PDGFRL: variants seen among roughly 807,000 people sequenced by gnomAD.
The protein encoded by PDGFRL is platelet derived growth factor receptor like.
Under a neutral mutation model 37.2 loss-of-function variants are expected in PDGFRL, and 46 were observed. The observed-to-expected ratio is 1.24, with a 90% CI of 0.98 to 1.58. The LOEUF (loss-of-function observed/expected upper bound fraction) is 1.58. Among genes scored for constraint, PDGFRL ranks in the 40% most tolerant of loss-of-function variants. The probability of loss-of-function intolerance (pLI) is 0.00; values close to 1 mark genes in which losing one functional copy is unlikely to be tolerated. For missense variants in PDGFRL, 692 were observed against 467.6 expected (o/e 1.48, Z -4.43); for synonymous variants, 251 against 184.3 (o/e 1.36, Z -2.93).
rs374421728 is a variant in PDGFRL, at chr8:17,589,641, T to G, written c.229T>G (p.Phe77Val). 8 of 1,613,934 alleles carry G rather than the reference T, an allele frequency of 5.0e-6. No homozygotes were observed. Among genetic ancestry groups the G allele is most frequent in the Non-Finnish European group, 6.8e-6 (8 of 1,179,910 alleles). Residue 77 changes from phenylalanine to valine, a missense_variant, in exon 2 of 6, where the codon TTC becomes GTC. By Grantham distance (50) the Phe-to-Val change is conservative. Coordinates refer to ENST00000251630, the MANE Select transcript of PDGFRL (RefSeq NM_001372073.1). Reference sequence around the variant, plus strand: ...GATGCAAGTGCTGGATAAAGGTCGCTTCCAGAAACCCGCCGCTACCCTGAG... The same window carrying G: ...GATGCAAGTGCTGGATAAAGGTCGCGTCCAGAAACCCGCCGCTACCCTGAG... ...IMMQVLDKGR[F>V]QKPAATLSLL...
At chr8:17,604,058 G>T (rs925618526) in intron 2 of PDGFRL, among the ~76,000 whole-genome samples, 10 of 152,138 alleles carry the variant, frequency 6.6e-5, no homozygotes, top group Non-Finnish European at 1.5e-4. Flanking sequence ...AGACCATGGA[G>T]GGCCTTGTTG....
chr8:17,593,637 G>T (rs1444244287), intron 2 of PDGFRL, among the ~76,000 whole-genome samples: 8 of 151,700 alleles, frequency 5.3e-5, no homozygotes, highest in African/African-American at 1.9e-4. Flanking sequence ...ACTCATGCCT[G>T]TAATCCCAGC....
At chr8:17,634,784 T>C (rs1252875192) in intron 5 of PDGFRL, among the ~76,000 whole-genome samples, 1 of 151,752 alleles carries the variant, frequency 6.6e-6, no homozygotes, top group Non-Finnish European at 1.5e-5. Flanking sequence ...TACATGGACA[T>C]ATAGAGGGGA....
At chr8:17,614,679 A>T (rs754927697) in intron 2 of PDGFRL, among the ~76,000 whole-genome samples, 9 of 152,190 alleles carry the variant, frequency 5.9e-5, no homozygotes, top group Non-Finnish European at 7.3e-5. Flanking sequence ...CCCAGGCTCA[A>T]GTGATCATCC....
At chr8:17,593,895 AAAAAAG>A (rs1803995524) in intron 2 of PDGFRL, among the ~76,000 whole-genome samples, 1 of 151,574 alleles carries the variant, frequency 6.6e-6, no homozygotes, top group South Asian at 2.1e-4. Context: ...TCTCAAAAAA[AAAAAAG>A]AAAAAAAAAG....
In PDGFRL at chr8:17,634,141, C is replaced by G; in HGVS notation, c.867C>G (p.Ile289Met). 6.2e-7 allele frequency: 1 copy of G among 1,612,738 alleles called. No individual in the cohort carries two copies. The highest frequency in any genetic ancestry group is 1.3e-5 in the African/African-American group (1 of 75,024). ...ACAAAGTGAAAAGTGGGGACGACAT[C>G]AGTGTGCTCTGCACTGTCCTGGGGG... Reference protein sequence around the residue: ...SSNKVKSGDDISVLCTVLGEP... With the variant: ...SSNKVKSGDDMSVLCTVLGEP... Residue 289 changes from isoleucine to methionine, a missense_variant, in exon 5 of 6, where the codon ATC becomes ATG. Transcript: ENST00000251630.
At chr8:17,616,169 A>ATTTATTTAT (rs370794514) in intron 2 of PDGFRL, among the ~76,000 whole-genome samples, 5 of 144,214 alleles carry the variant, frequency 3.5e-5, no homozygotes, top group South Asian at 2.3e-4. Flanking sequence ...TATTATTGTT[A>ATTTATTTAT]TTATTTATTT....
rs574328536 is a variant in PDGFRL at position 17,599,134 on chromosome 8, C to G, written c.353+9369C>G. Among the ~76,000 whole-genome samples, 69 of 152,304 alleles carry G rather than the reference C, an allele frequency of 4.5e-4. 1 individual carries two copies. Among genetic ancestry groups the G allele is most frequent in the African/African-American group, 1.6e-3 (65 of 41,568 alleles). On this transcript the variant is annotated intron_variant, in intron 2 of 5. Transcript: ENST00000251630. ...CACCTTTATGTCTTTACTTCTCTCT[C>G]TCTTTTAAAATTTTATTTTTCCATA... is the stretch of plus-strand genomic sequence containing the variant.
At position 17,604,852 on chromosome 8, in the gene PDGFRL, G is replaced by A. The variant is rs193236303; in HGVS notation, c.353+15087G>A. 4.6e-3 allele frequency among the ~76,000 whole-genome samples: 706 copies of A among 152,258 alleles called. 10 individuals are homozygous for A. Among genetic ancestry groups the A allele is most frequent in the African/African-American group, 0.016 (668 of 41,532 alleles). ...TGCATGGCTGGGCATGGTGGCTCACGCCTGTAATTCCAGCCCTTTGGGAGG... is the reference window on the plus strand; with the variant it reads ...TGCATGGCTGGGCATGGTGGCTCACACCTGTAATTCCAGCCCTTTGGGAGG... On this transcript the variant is annotated intron_variant, in intron 2 of 5. Transcript: ENST00000251630.
intron 2 of PDGFRL, among the ~76,000 whole-genome samples, chr8:17,596,554 G>A (rs921210707): frequency 6.6e-6 from 1 of 152,182 alleles, no homozygotes; most frequent in East Asian, 1.9e-4. Context: ...TTTTCTAAGA[G>A]TATTTTCAAA....
chr8:17,605,552 C>A (rs534334004), intron 2 of PDGFRL, among the ~76,000 whole-genome samples: 1 of 152,198 alleles, frequency 6.6e-6, no homozygotes, highest in South Asian at 2.1e-4. Flanking sequence ...CTTGGCACCG[C>A]GCTGAGCCAG....
chr8:17,599,386 A>G (rs973689507), intron 2 of PDGFRL, among the ~76,000 whole-genome samples: 38 of 152,178 alleles, frequency 2.5e-4, no homozygotes, highest in African/African-American at 8.9e-4. Flanking sequence ...ATCGGTGAGA[A>G]CTTATGATGT....
chr8:17,603,324 T>G (rs1288235897), intron 2 of PDGFRL, among the ~76,000 whole-genome samples: 2 of 152,204 alleles, frequency 1.3e-5, no homozygotes, highest in African/African-American at 4.8e-5. Context: ...CAGACATTTG[T>G]AAGTGTATGT....
intron 3 of PDGFRL, among the ~76,000 whole-genome samples, chr8:17,622,881 G>A (rs1198654422): frequency 6.6e-6 from 1 of 152,042 alleles, no homozygotes; most frequent in Non-Finnish European, 1.5e-5. Context: ...CCCTTAATCT[G>A]AGTCACTCCA....
At chr8:17,642,287 T>C (rs1443397219) in intron 5 of PDGFRL, among the ~76,000 whole-genome samples, 6 of 152,218 alleles carry the variant, frequency 3.9e-5, no homozygotes, top group Admixed American at 1.3e-4. Flanking sequence ...GTGGAAAATT[T>C]TGTCCCTGCT....
intron 1 of PDGFRL, among the ~76,000 whole-genome samples, chr8:17,587,956 G>A (rs1445024154): frequency 1.3e-5 from 2 of 152,068 alleles, no homozygotes; most frequent in Non-Finnish European, 2.9e-5. Context: ...TTCTTGTTGA[G>A]TGGACACAAC....
chr8:17,639,094 T>G (rs1269406150), intron 5 of PDGFRL, among the ~76,000 whole-genome samples: 1 of 152,000 alleles, frequency 6.6e-6, no homozygotes, highest in Non-Finnish European at 1.5e-5. Context: ...CTGCTCACTT[T>G]GGTGTCCCTT....
At chr8:17,641,095 C>G (rs1283396940) in intron 5 of PDGFRL, among the ~76,000 whole-genome samples, 1 of 152,292 alleles carries the variant, frequency 6.6e-6, no homozygotes, top group Non-Finnish European at 1.5e-5. Context: ...TCCCACGTAG[C>G]CCAAAGGGCC....
intron 2 of PDGFRL, among the ~76,000 whole-genome samples, chr8:17,592,462 C>A (rs143536564): frequency 0.011 from 1,656 of 152,278 alleles, 32 homozygotes; most frequent in African/African-American, 0.036. Context: ...GCTCACCACT[C>A]GGTGGATGCC....
Sources: allele counts gnomAD v4.1 joint callset (sites outside exome capture counted in the v4.1 genomes callset), GRCh38; gene constraint gnomAD v4.1.1; transcripts MANE v1.5; gene names NCBI Gene and HGNC (gene_info 2026-07-23, HGNC 2026-07-21).